The following KSR2 variants were observed in gnomAD, a reference collection of about 807,000 sequenced individuals.
KSR2 encodes kinase suppressor of ras 2.
Under a neutral mutation model 107.8 loss-of-function variants are expected in KSR2, and 25 were observed. The observed-to-expected ratio is 0.23, with a 90% CI of 0.17 to 0.32. The LOEUF is 0.32. KSR2 is among the 10% of genes least tolerant of loss of function. KSR2 has a pLI of 1.00. For synonymous variants in KSR2, 480 were observed against 507.0 expected, an observed-to-expected ratio of 0.95 and a Z score of 0.71; for missense variants, 887 against 1,268.9, an observed-to-expected ratio of 0.70 and a Z score of 4.57.
At chr12:117,468,565 C>T (rs1871267207) in intron 19 of KSR2, among the ~76,000 whole-genome samples, 1 of 152,216 alleles carries the variant, frequency 6.6e-6, no homozygotes, top group South Asian at 2.1e-4. Context: ...GGGACATCTG[C>T]TCTTCAGGAC....
intron 6 of KSR2, among the ~76,000 whole-genome samples, chr12:117,580,125 T>G (rs1879550095): frequency 6.6e-6 from 1 of 152,202 alleles, no homozygotes; most frequent in African/African-American, 2.4e-5. Flanking sequence ...ACTTGGAGTC[T>G]GAGAATTTCG....
intron 5 of KSR2, among the ~76,000 whole-genome samples, chr12:117,648,201 A>G (rs1177624543): frequency 6.6e-6 from 1 of 152,208 alleles, no homozygotes; most frequent in Non-Finnish European, 1.5e-5. Context: ...AAAAATCTAG[A>G]TGTCTGGCTT....
At chr12:117,697,888 T>C (rs55764283) in intron 4 of KSR2, among the ~76,000 whole-genome samples, 47,762 of 151,894 alleles carry the variant, frequency 0.31, 8,384 homozygotes, top group African/African-American at 0.48. Context: ...ATTAGTTAAA[T>C]TTAGATGAGT....
intron 1 of KSR2, among the ~76,000 whole-genome samples, chr12:117,965,398 C>T (rs1947104727): frequency 6.6e-6 from 1 of 152,224 alleles, no homozygotes; most frequent in African/African-American, 2.4e-5. Context: ...TGCAGCTGAA[C>T]ACATGCCTAA....
intron 5 of KSR2, among the ~76,000 whole-genome samples, chr12:117,589,041 T>C (rs1022710497): frequency 1.3e-5 from 2 of 152,236 alleles, no homozygotes; most frequent in African/African-American, 4.8e-5. Context: ...CAAAGTCATA[T>C]AGCTAAAGTT....
At chr12:117,766,202 T>C (rs896076514) in intron 3 of KSR2, among the ~76,000 whole-genome samples, 5 of 152,222 alleles carry the variant, frequency 3.3e-5, no homozygotes, top group African/African-American at 1.2e-4. Flanking sequence ...GTCCATATAA[T>C]GGAATATTAT....
chr12:117,548,454 T>C (rs1877047659), intron 9 of KSR2, among the ~76,000 whole-genome samples: 1 of 152,182 alleles, frequency 6.6e-6, no homozygotes, highest in Admixed American at 6.5e-5. Context: ...CTTAATAACA[T>C]TTTCTTTTCT....
At chr12:117,674,450 A>G (rs1285992916) in intron 4 of KSR2, 2 of 452,878 alleles carry the variant, frequency 4.4e-6, no homozygotes, top group East Asian at 7.0e-5. Flanking sequence ...CACAACCTCT[A>G]TCTAGTTCCA....
intron 1 of KSR2, among the ~76,000 whole-genome samples, chr12:117,958,631 G>A (rs1248569015): frequency 6.6e-6 from 1 of 152,096 alleles, no homozygotes; most frequent in African/African-American, 2.4e-5. Context: ...GACCAGCCTG[G>A]CCAACATGGT....
intron 14 of KSR2, among the ~76,000 whole-genome samples, chr12:117,489,698 T>C (rs1872649355): frequency 6.6e-6 from 1 of 152,170 alleles, no homozygotes; most frequent in African/African-American, 2.4e-5. Context: ...TATTTGCAGA[T>C]GGGCAATGTC....
At chr12:117,780,718 A>T (rs1889853204) in intron 3 of KSR2, among the ~76,000 whole-genome samples, 1 of 152,240 alleles carries the variant, frequency 6.6e-6, no homozygotes, top group African/African-American at 2.4e-5. Flanking sequence ...CTACAATAAA[A>T]AATTAATGTT....
intron 1 of KSR2, among the ~76,000 whole-genome samples, chr12:117,879,196 T>A (rs2137314585): frequency 6.6e-6 from 1 of 152,278 alleles, no homozygotes; most frequent in Non-Finnish European, 1.5e-5. Context: ...AGATAAATAA[T>A]CCCATGATAT....
intron 2 of KSR2, among the ~76,000 whole-genome samples, chr12:117,856,460 CT>C (rs1566052556): frequency 6.6e-6 from 1 of 151,936 alleles, no homozygotes; most frequent in East Asian, 1.9e-4. Context: ...GGTTTTTTGC[CT>C]TTTTTTGTTT....
At chr12:117,916,312 T>A (rs1895174045) in intron 1 of KSR2, among the ~76,000 whole-genome samples, 1 of 151,906 alleles carries the variant, frequency 6.6e-6, no homozygotes. Flanking sequence ...AATTTTTGTA[T>A]TTTTAGTAGA....
chr12:117,786,985 C>T (rs570895772), intron 3 of KSR2, among the ~76,000 whole-genome samples: 38 of 151,566 alleles, frequency 2.5e-4, no homozygotes, highest in Non-Finnish European at 4.7e-4. Context: ...GCCAAGATCA[C>T]GCCACTGCAC....
intron 4 of KSR2, chr12:117,677,392 G>GTA (rs1334236174): frequency 1.3e-5 from 2 of 152,252 alleles, no homozygotes; most frequent in Non-Finnish European, 2.9e-5. Flanking sequence ...CACCAGGGAT[G>GTA]TATAGAAGCC....
intron 3 of KSR2, among the ~76,000 whole-genome samples, chr12:117,771,726 T>C (rs1273707597): frequency 6.6e-6 from 1 of 152,202 alleles, no homozygotes; most frequent in East Asian, 1.9e-4. Context: ...TGACAGGTCA[T>C]GGCTAAAGTC....
At chr12:117,646,695 C>T (rs574565827) in intron 5 of KSR2, among the ~76,000 whole-genome samples, 5 of 152,266 alleles carry the variant, frequency 3.3e-5, no homozygotes, top group Middle Eastern at 6.8e-3. Context: ...CACCAGCACC[C>T]GCCCTACAGA....
intron 4 of KSR2, among the ~76,000 whole-genome samples, chr12:117,683,047 T>C (rs1304537365): frequency 9.9e-5 from 15 of 152,072 alleles, no homozygotes; most frequent in Non-Finnish European, 2.9e-5. Flanking sequence ...CAACACTTTC[T>C]AGAAAGACAG....
Sources: gnomAD v4.1 joint callset for allele counts (sites outside exome capture counted in the v4.1 genomes callset) on GRCh38, gnomAD v4.1.1 for gene constraint, MANE v1.5 for transcripts, NCBI Gene and HGNC (gene_info 2026-07-23, HGNC 2026-07-21) for gene names.